Variants in ZNF385D observed in about 807,000 individuals in gnomAD.
The protein encoded by ZNF385D is zinc finger protein 659.
A neutral mutation model predicts 35.8 loss-of-function variants in ZNF385D; 15 were observed. That is an observed-to-expected ratio of 0.42 (90% CI 0.28 to 0.64). ZNF385D has a LOEUF of 0.64. Ranked by LOEUF, ZNF385D falls within the 30% of genes least tolerant of loss-of-function variation. The probability of loss-of-function intolerance (pLI) is 0.23; values close to 1 mark genes in which losing one functional copy is unlikely to be tolerated. For synonymous variants in ZNF385D, 212 were observed against 186.8 expected (o/e 1.13, Z -1.10); for missense variants, 474 against 494.6 (o/e 0.96, Z 0.39).
At chr3:22,143,410 T>A (rs1704651358) in intron 3 of ZNF385D, among the ~76,000 whole-genome samples, 2 of 152,122 alleles carry the variant, frequency 1.3e-5, no homozygotes, top group African/African-American at 4.8e-5. Flanking sequence ...TAAGTTAAAA[T>A]AAAGACAACT....
intron 3 of ZNF385D, among the ~76,000 whole-genome samples, chr3:21,826,437 G>A (rs1297326270): frequency 6.6e-6 from 1 of 152,170 alleles, no homozygotes; most frequent in Non-Finnish European, 1.5e-5. Context: ...ACACTAGTTG[G>A]AAGAAATATT....
chr3:22,050,022 C>T lies in ZNF385D; in HGVS notation c.325+118795G>A, dbSNP rs189082901. Among the ~76,000 whole-genome samples the T allele has an allele frequency of 2.6e-5, 4 of 152,070 alleles. No homozygotes were observed. The East Asian group carries it at 7.7e-4, about 29-fold the overall frequency. ...TAATGCTAGTATCATCGTAATGTTT[C>T]CTCTTTAATTTTTTGGAGCAGTTTG... is the stretch of plus-strand genomic sequence containing the variant. On this transcript the variant is annotated intron_variant, in intron 3 of 5. Transcript: ENST00000494108.
At chr3:21,738,667 T>G (rs561043227) in intron 1 of ZNF385D, among the ~76,000 whole-genome samples, 15 of 152,298 alleles carry the variant, frequency 9.8e-5, no homozygotes, top group Admixed American at 4.6e-4. Context: ...TACTAATCAC[T>G]TGGCCTCTAT....
intron 3 of ZNF385D, among the ~76,000 whole-genome samples, chr3:21,781,571 A>G (rs1346636348): frequency 3.9e-5 from 6 of 152,070 alleles, no homozygotes; most frequent in Non-Finnish European, 7.4e-5. Context: ...TTTGCCAGCT[A>G]TTTCAGATAA....
chr3:22,323,907 A>C (rs976248918), intron 2 of ZNF385D, among the ~76,000 whole-genome samples: 4 of 152,184 alleles, frequency 2.6e-5, no homozygotes, highest in Admixed American at 6.5e-5. Context: ...AAATACCCAA[A>C]TTTGTCAGGC....
intron 3 of ZNF385D, among the ~76,000 whole-genome samples, chr3:22,092,706 C>A (rs1417098687): frequency 2.0e-5 from 3 of 151,970 alleles, no homozygotes; most frequent in Non-Finnish European, 4.4e-5. Context: ...GCTAGCAAAT[C>A]CCCTCTTACA....
rs189185009 is a variant in ZNF385D, at chr3:22,020,035, T to C, written c.325+148782A>G. 5.0e-3 allele frequency among the ~76,000 whole-genome samples: 754 copies of C among 151,928 alleles called. 2 individuals are homozygous for C. The highest frequency in any genetic ancestry group is 8.6e-3 in the Non-Finnish European group (587 of 67,886). On this transcript the variant is annotated intron_variant, in intron 3 of 5. Transcript: ENST00000494108. The stretch of plus-strand genomic sequence containing the variant: ...TGTTTTAATAATTAAATTAATATTA[T>C]TAACTTTATTTTTAAACAAAATTCA...
chr3:22,207,815 C>G (rs577486739), intron 2 of ZNF385D, among the ~76,000 whole-genome samples: 9 of 151,834 alleles, frequency 5.9e-5, no homozygotes, highest in African/African-American at 1.2e-4. Context: ...AGAAGACATA[C>G]AAATGGCAAA....
At chr3:22,252,370 G>A (rs1700105068) in intron 2 of ZNF385D, among the ~76,000 whole-genome samples, 1 of 151,940 alleles carries the variant, frequency 6.6e-6, no homozygotes, top group Non-Finnish European at 1.5e-5. Context: ...TTGTGTGGGG[G>A]AAATAAACCC....
At chr3:22,208,223 G>A (rs1697282937) in intron 2 of ZNF385D, among the ~76,000 whole-genome samples, 1 of 151,888 alleles carries the variant, frequency 6.6e-6, no homozygotes, top group Non-Finnish European at 1.5e-5. Flanking sequence ...GAAAGAAAAT[G>A]TGCTACATAT....
At chr3:21,498,945 C>CAAAAAAAAAAAAAAAAA (rs35511402) in intron 4 of ZNF385D, among the ~76,000 whole-genome samples, 1 of 64,274 alleles carries the variant, frequency 1.6e-5, no homozygotes, top group Non-Finnish European at 2.7e-5. Flanking sequence ...GACTCCATCT[C>CAAAAAAAAAAAAAAAAA]AAAAAAAAAA....
chr3:21,494,522 C>A (rs1240603808), intron 4 of ZNF385D, among the ~76,000 whole-genome samples: 1 of 152,146 alleles, frequency 6.6e-6, no homozygotes, highest in Non-Finnish European at 1.5e-5. Flanking sequence ...TGCTGCCTAA[C>A]AGGAGACAGC....
chr3:21,768,479 T>C (rs1019104785), intron 3 of ZNF385D, among the ~76,000 whole-genome samples: 12 of 151,922 alleles, frequency 7.9e-5, no homozygotes, highest in African/African-American at 2.4e-4. Context: ...TATTGAAGGC[T>C]TCAAACTTCC....
intron 3 of ZNF385D, among the ~76,000 whole-genome samples, chr3:21,904,635 A>G (rs1048444663): frequency 3.9e-5 from 6 of 152,178 alleles, no homozygotes; most frequent in Admixed American, 2.6e-4. Context: ...CTAATGCAGA[A>G]TAACACAAAT....
chr3:22,046,891 A>C (rs948662521), intron 3 of ZNF385D, among the ~76,000 whole-genome samples: 1 of 152,304 alleles, frequency 6.6e-6, no homozygotes, highest in Admixed American at 6.5e-5. Flanking sequence ...GAAAATATGA[A>C]ATCAGAAACA....
chr3:22,318,909 A>C (rs921868934), intron 2 of ZNF385D, among the ~76,000 whole-genome samples: 1 of 152,198 alleles, frequency 6.6e-6, no homozygotes, highest in Non-Finnish European at 1.5e-5. Context: ...CATATAAGAA[A>C]TATTCATAGG....
intron 3 of ZNF385D, among the ~76,000 whole-genome samples, chr3:22,071,775 C>T (rs759299280): frequency 6.6e-6 from 1 of 151,982 alleles, no homozygotes; most frequent in Non-Finnish European, 1.5e-5. Flanking sequence ...TAGTAAAAGG[C>T]CTAAATCTAG....
intron 2 of ZNF385D, among the ~76,000 whole-genome samples, chr3:22,327,472 C>T (rs1202501961): frequency 6.6e-6 from 1 of 152,152 alleles, no homozygotes; most frequent in Non-Finnish European, 1.5e-5. Context: ...AAACATCAAC[C>T]ACTTCCAGAA....
intron 2 of ZNF385D, among the ~76,000 whole-genome samples, chr3:22,350,774 G>C (rs745883716): frequency 6.6e-6 from 1 of 151,984 alleles, no homozygotes; most frequent in African/African-American, 2.4e-5. Flanking sequence ...ATGTGTAAAA[G>C]ACATTCTTCT....
Sources: gnomAD v4.1 joint callset for allele counts (sites outside exome capture counted in the v4.1 genomes callset) on GRCh38, gnomAD v4.1.1 for gene constraint, MANE v1.5 for transcripts, NCBI Gene and HGNC (gene_info 2026-07-23, HGNC 2026-07-21) for gene names.